The following BLTP1 variants were observed in gnomAD, a reference collection of about 807,000 sequenced individuals.
BLTP1 encodes the protein bridge-like lipid transfer protein family member 1, also known as fragile site-associated protein.
At chr4:122,161,821 A>G in the BLTP1 span, among the ~76,000 whole-genome samples, 2 of 152,228 alleles carry the variant, frequency 1.3e-5, 1 homozygote, top group Non-Finnish European at 2.9e-5. Flanking sequence ...ACAATAGCTC[A>G]TAATGATGTA....
chr4:122,234,902 G>A, the BLTP1 span: 1 of 1,613,416 alleles, frequency 6.2e-7, no homozygotes, highest in South Asian at 1.1e-5. Flanking sequence ...TTGAAGAGTT[G>A]ACACCTTCCA....
chr4:122,183,181 C>A, the BLTP1 span: 1 of 420,550 alleles, frequency 2.4e-6, no homozygotes, highest in Non-Finnish European at 3.2e-6. Flanking sequence ...ACAAAAAATA[C>A]AAAAATTAGC....
the BLTP1 span, among the ~76,000 whole-genome samples, chr4:122,273,031 T>G: frequency 2.8e-4 from 42 of 152,198 alleles, no homozygotes; most frequent in African/African-American, 9.6e-4. Context: ...CAAATGTTTC[T>G]TAGACTCAGT....
chr4:122,360,040 G>A, the BLTP1 span: 1 of 985,290 alleles, frequency 1.0e-6, no homozygotes, highest in African/African-American at 1.7e-5. Context: ...TATTTTCAGG[G>A]TTTGAGGTAG....
the BLTP1 span, among the ~76,000 whole-genome samples, chr4:122,195,142 T>C: frequency 6.6e-6 from 1 of 152,194 alleles, no homozygotes; most frequent in Non-Finnish European, 1.5e-5. Flanking sequence ...CTCAGCTGTT[T>C]TGCTATTGGA....
the BLTP1 span, chr4:122,300,838 A>C: frequency 1.2e-6 from 1 of 819,302 alleles, no homozygotes; most frequent in Non-Finnish European, 1.5e-6. Context: ...ATGTTTTCAA[A>C]TCAATGGAAA....
At chr4:122,187,630 C>T in the BLTP1 span, 5 of 1,030,310 alleles carry the variant, frequency 4.9e-6, no homozygotes, top group South Asian at 7.3e-5. Context: ...TTTTTTAGTT[C>T]CCATTTCTGT....
the BLTP1 span, chr4:122,339,063 T>C: frequency 2.0e-5 from 17 of 851,666 alleles, no homozygotes; most frequent in African/African-American, 1.9e-4. Flanking sequence ...TTGTGGTTTA[T>C]GTATGAGTTC....
chr4:122,272,919 C>A, the BLTP1 span, among the ~76,000 whole-genome samples: 1 of 151,946 alleles, frequency 6.6e-6, no homozygotes, highest in Non-Finnish European at 1.5e-5. Flanking sequence ...TGAAGATGCC[C>A]TATTATTTTA....
the BLTP1 span, among the ~76,000 whole-genome samples, chr4:122,342,255 A>C: frequency 6.6e-6 from 1 of 152,188 alleles, no homozygotes; most frequent in Non-Finnish European, 1.5e-5. Flanking sequence ...GAGATATAGA[A>C]ATGATGAATG....
the BLTP1 span, chr4:122,298,496 A>T: frequency 4.9e-6 from 1 of 202,994 alleles, no homozygotes; most frequent in African/African-American, 2.4e-5. Flanking sequence ...TGTATTTCAG[A>T]GTAGAAATTG....
chr4:122,259,730 G>A, the BLTP1 span, among the ~76,000 whole-genome samples: 2 of 152,026 alleles, frequency 1.3e-5, no homozygotes, highest in South Asian at 4.2e-4. Flanking sequence ...TGTGGTGGCA[G>A]GCGCCTGTAA....
the BLTP1 span, chr4:122,187,986 C>G: frequency 6.3e-7 from 1 of 1,598,550 alleles, no homozygotes; most frequent in Non-Finnish European, 8.5e-7. Flanking sequence ...AAACCACCTT[C>G]AAGTCATCTT....
chr4:122,306,075 T>C, the BLTP1 span: 167 of 1,559,472 alleles, frequency 1.1e-4, 1 homozygote, highest in African/African-American at 2.0e-3. Flanking sequence ...TACTATCCTC[T>C]GGGATCTAGG....
the BLTP1 span, among the ~76,000 whole-genome samples, chr4:122,329,437 A>G: frequency 1.3e-5 from 2 of 151,344 alleles, no homozygotes; most frequent in Admixed American, 6.6e-5. Context: ...TGGTGGTCCA[A>G]GTTTGCGTCT....
chr4:122,328,089 T>G, the BLTP1 span: 4 of 1,511,454 alleles, frequency 2.6e-6, no homozygotes, highest in South Asian at 4.1e-5. Flanking sequence ...TCATGTTTTT[T>G]CTTTTTACAA....
chr4:122,206,176 C>T, the BLTP1 span: 15 of 528,862 alleles, frequency 2.8e-5, no homozygotes, highest in African/African-American at 4.1e-5. Flanking sequence ...TTTCATTCAC[C>T]ATTGTAGTCC....
the BLTP1 span, chr4:122,347,142 A>T: frequency 1.0e-6 from 1 of 984,712 alleles, no homozygotes; most frequent in Non-Finnish European, 1.2e-6. Context: ...GGGAAACAGA[A>T]GATGCTGGGG....
At chr4:122,356,497 C>A in the BLTP1 span, 1 of 973,696 alleles carries the variant, frequency 1.0e-6, no homozygotes, top group Non-Finnish European at 1.5e-6. Flanking sequence ...CTGTAAATCA[C>A]ATACAGATAT....
Sources: allele counts gnomAD v4.1 joint callset (sites outside exome capture counted in the v4.1 genomes callset), GRCh38; gene constraint gnomAD v4.1.1; transcripts MANE v1.5; gene names NCBI Gene and HGNC (gene_info 2026-07-23, HGNC 2026-07-21).